The following FBRSL1 variants were observed in gnomAD, a reference collection of about 807,000 sequenced individuals.
FBRSL1 encodes fibrosin like 1.
FBRSL1 carries 51 observed loss-of-function variants against 89.6 expected under a neutral mutation model. That is an observed-to-expected ratio of 0.57 (90% confidence interval 0.45 to 0.72). The LOEUF (loss-of-function observed/expected upper bound fraction) is 0.72, where lower values mean the gene tolerates loss of function less well. Ranked by LOEUF, FBRSL1 falls within the 30% of genes least tolerant of loss-of-function variation. FBRSL1 has a pLI of 0.00. For missense variants in FBRSL1, 1,618 were observed against 1,451.8 expected (o/e 1.11, Z -1.86); for synonymous variants, 779 against 681.1 (o/e 1.14, Z -2.24).
At chr12:132,573,723 C>G (rs10870471) in intron 11 of FBRSL1, among the ~76,000 whole-genome samples, 34,650 of 152,058 alleles carry the variant, frequency 0.23, 4,744 homozygotes, top group Non-Finnish European at 0.3. Context: ...TCCCTGGCGC[C>G]CCTGGTGGGA....
chr12:132,567,564 A>G lies in FBRSL1; in HGVS notation c.691+38A>G, dbSNP rs750734784. On this transcript the variant is annotated intron_variant, in intron 6 of 18. Coordinates refer to ENST00000680143, the MANE Select transcript of FBRSL1 (RefSeq NM_001367871.1). ...CCTCGGCCCAGCTCCTGGGCCTCTGAAGAGACACAATGCGCCCTGCGTCTT... is the reference window on the plus strand; with the variant it reads ...CCTCGGCCCAGCTCCTGGGCCTCTGGAGAGACACAATGCGCCCTGCGTCTT... The G allele has an allele frequency of 1.0e-5, 16 of 1,542,986 alleles. No individual in the cohort carries two copies. The African/African-American group carries it at 1.6e-4, about 16-fold the overall frequency.
At chr12:132,530,997 G>C (rs1029411648) in intron 4 of FBRSL1, among the ~76,000 whole-genome samples, 2 of 148,932 alleles carry the variant, frequency 1.3e-5, no homozygotes, top group African/African-American at 4.9e-5. Context: ...TCCAGTGTGG[G>C]GGGGGGGGTG....
chr12:132,515,611 T>C (rs1181091832), intron 2 of FBRSL1, among the ~76,000 whole-genome samples: 1 of 151,482 alleles, frequency 6.6e-6, no homozygotes, highest in South Asian at 2.1e-4. Context: ...CAGAAATTAA[T>C]GAGGCAGGCC....
In FBRSL1 at chr12:132,511,413, C is replaced by T. The variant is rs572296626; in HGVS notation, c.489+3063C>T. ...CCCATCCCTGCCCCTTCCACGGCCC[C>T]CACCTGTGGTCAGGTGTTGCCACCC... On this transcript the variant is annotated intron_variant, in intron 2 of 18. Transcript: ENST00000680143. 8.9e-4 allele frequency: 879 copies of T among 985,994 alleles called. 4 individuals carry two copies. In the African/African-American group the frequency reaches 0.014, roughly 16 times the overall value. The allele number at this position is 985,994 out of a possible 1,614,324, so 61.1% of individuals were successfully genotyped here.
At chr12:132,541,498 C>T (rs574049501) in intron 4 of FBRSL1, among the ~76,000 whole-genome samples, 105 of 152,334 alleles carry the variant, frequency 6.9e-4, no homozygotes, top group African/African-American at 2.4e-3. Flanking sequence ...TCCCACCTGG[C>T]GGTGCCCCCC....
At position 132,511,519 on chromosome 12, in the gene FBRSL1, G is replaced by T. The variant is rs1443787174; in HGVS notation, c.489+3169G>T. On this transcript the variant is annotated intron_variant, in intron 2 of 18. Coordinates refer to ENST00000680143, the MANE Select transcript of FBRSL1 (RefSeq NM_001367871.1). ...GCCACTCGCCCAAAAGGGAGGGGGTGTTTGGGGGGGCTTTGACTGTCTCCA... is the reference window on the plus strand; with the variant it reads ...GCCACTCGCCCAAAAGGGAGGGGGTTTTTGGGGGGGCTTTGACTGTCTCCA... The T allele has an allele frequency of 4.1e-5, 40 of 986,038 alleles. 1 individual carries two copies. In the South Asian group the frequency reaches 7.0e-4, roughly 17 times the overall value. 61.1% of individuals were successfully genotyped at this position (986,038 alleles called of 1,614,324 possible).
rs1388301212 is a variant in FBRSL1 at position 132,583,225 on chromosome 12, G to A, written c.2456G>A (p.Gly819Glu). The A allele has an allele frequency of 1.4e-6, 2 of 1,402,438 alleles. No individual in the cohort carries two copies. Among genetic ancestry groups the A allele is most frequent in the Non-Finnish European group, 1.9e-6 (2 of 1,078,214 alleles). The allele number at this position is 1,402,438 out of a possible 1,614,324, so 86.9% of individuals were successfully genotyped here. ...GACGTGAAGGTCAAGGAGGAGCGCG[G>A]GGAGGACGAGGCCTCCGAGCCCCCG... Reference protein sequence around the residue: ...PGDVKVKEERGEDEASEPPAG... With the variant: ...PGDVKVKEEREEDEASEPPAG... Residue 819 changes from glycine to glutamate, a missense_variant, in exon 19 of 19, where the codon GGG becomes GAG. Gly to Glu is a moderately conservative substitution (Grantham distance 98). Transcript: ENST00000680143.
rs1205065129 is a variant in FBRSL1 at position 132,499,930 on chromosome 12, G to C, written c.292-8223G>C. 6.6e-6 allele frequency among the ~76,000 whole-genome samples: 1 copy of C among 152,128 alleles called. No individual in the cohort carries two copies. The highest frequency in any genetic ancestry group is 2.4e-5 in the African/African-American group (1 of 41,422). On this transcript the variant is annotated intron_variant, in intron 1 of 18. Transcript: ENST00000680143. The surrounding 1 kb of genome is among the most constrained non-coding windows in gnomAD (Gnocchi z 4.3). ...TGTGAGCTGGCCTGTGGGGTGGATG[G>C]GGTTCCCCAGAGCTGTGCTGGCGTC...
intron 2 of FBRSL1, among the ~76,000 whole-genome samples, chr12:132,514,537 G>A (rs2034657198): frequency 6.6e-6 from 1 of 152,248 alleles, no homozygotes; most frequent in African/African-American, 2.4e-5. Flanking sequence ...CCCCGAGGGG[G>A]AAGGGTTTCC....
intron 4 of FBRSL1, among the ~76,000 whole-genome samples, chr12:132,529,578 C>G (rs747958263): frequency 6.6e-6 from 1 of 151,596 alleles, no homozygotes; most frequent in Non-Finnish European, 1.5e-5. Flanking sequence ...CTCTGCCACC[C>G]TGGGCTCTTC....
intron 5 of FBRSL1, among the ~76,000 whole-genome samples, chr12:132,549,341 C>T (rs770532483): frequency 9.2e-5 from 14 of 152,188 alleles, no homozygotes; most frequent in Non-Finnish European, 1.9e-4. Flanking sequence ...TCACAAAGCC[C>T]ATAGGAGTGG....
In FBRSL1 at chr12:132,571,142, T is replaced by C; in HGVS notation, c.1288T>C (p.Trp430Arg). Reference sequence around the variant, plus strand: ...TCATTCGGGAATTCTGATTGGTACTTGGTCACAGGCTCCTCTCTTACCTGC... The same window carrying C: ...TCATTCGGGAATTCTGATTGGTACTCGGTCACAGGCTCCTCTCTTACCTGC... The part of the protein sequence containing the change: ...QPHSGILIGT[W>R]SQAPLLPAPL... The change falls in exon 9 of 19, where the codon TGG becomes CGG. Residue 430 changes from tryptophan to arginine, a missense_variant. Physicochemically the swap from Trp to Arg is moderately radical, Grantham distance 101. Coordinates refer to ENST00000680143, the MANE Select transcript of FBRSL1 (RefSeq NM_001367871.1). 7.2e-7 allele frequency: 1 copy of C among 1,393,802 alleles called. No homozygotes were observed. The highest frequency in any genetic ancestry group is 3.0e-5 in the Admixed American group (1 of 33,784). The allele number at this position is 1,393,802 out of a possible 1,614,324, so 86.3% of individuals were successfully genotyped here.
Position 132,569,918 on chromosome 12 carries a change from C to G in FBRSL1, c.692-8C>G. 7.2e-7 allele frequency: 1 copy of G among 1,385,862 alleles called. No homozygotes were observed. The highest frequency in any genetic ancestry group is 9.3e-7 in the Non-Finnish European group (1 of 1,074,640). 85.8% of individuals were successfully genotyped at this position (1,385,862 alleles called of 1,614,324 possible). ...GCTGGTCTGAACGCAGCCACCCTCT[C>G]TCTGCAGGCCCAGCGCTTGAGAAGT... On this transcript the variant is annotated splice_polypyrimidine_tract_variant and splice_region_variant and intron_variant, in intron 6 of 18. Transcript: ENST00000680143.
chr12:132,519,863 T>C lies in FBRSL1; in HGVS notation c.490-5871T>C, dbSNP rs142832056. Among the ~76,000 whole-genome samples, 545 of 136,120 alleles carry C rather than the reference T, an allele frequency of 4.0e-3. 1 individual carries two copies. The highest frequency in any genetic ancestry group is 7.0e-3 in the Non-Finnish European group (462 of 65,970). 89.3% of individuals were successfully genotyped at this position (136,120 alleles called of 152,430 possible). On this transcript the variant is annotated intron_variant, in intron 2 of 18. Coordinates refer to ENST00000680143, the MANE Select transcript of FBRSL1 (RefSeq NM_001367871.1). Reference sequence around the variant, plus strand: ...GCAGAGGTTGCAGTGAGCCAAGATCTCACCACTGCACTCCAGCCTGGGCAA... The same window carrying C: ...GCAGAGGTTGCAGTGAGCCAAGATCCCACCACTGCACTCCAGCCTGGGCAA...
At position 132,493,133 on chromosome 12, in the gene FBRSL1, G is replaced by A. The variant is rs544181156; in HGVS notation, c.291+2272G>A. ...AAGAGCAAGGAGCACTGGGTGCCAC[G>A]CCTGTCCGGCCTTAGAGTGAGCGGG... is the stretch of plus-strand genomic sequence containing the variant. On this transcript the variant is annotated intron_variant, in intron 1 of 18. Coordinates refer to ENST00000680143, the MANE Select transcript of FBRSL1 (RefSeq NM_001367871.1). Among the ~76,000 whole-genome samples, 21 of 152,344 alleles carry A rather than the reference G, an allele frequency of 1.4e-4. No homozygotes were observed. In the East Asian group the frequency reaches 3.5e-3, roughly 25 times the overall value.
intron 5 of FBRSL1, among the ~76,000 whole-genome samples, chr12:132,556,933 C>G (rs568094356): frequency 6.6e-6 from 1 of 152,086 alleles, no homozygotes; most frequent in African/African-American, 2.4e-5. Context: ...ACACGTGCCC[C>G]GCGGAGTGGC....
Position 132,574,051 on chromosome 12 carries a change from G to A in FBRSL1, c.1531-39G>A, listed in dbSNP as rs1359848323. The A allele has an allele frequency of 1.2e-5, 14 of 1,208,596 alleles. No individual in the cohort carries two copies. In the East Asian group the frequency reaches 1.6e-4, roughly 14 times the overall value. The allele number at this position is 1,208,596 out of a possible 1,614,324, so 74.9% of individuals were successfully genotyped here. ...GCCCGAGGCGTCCTCCTGCCTGGGC[G>A]GCCCCAGGCGCACACAAGCTGTCTC... On this transcript the variant is annotated intron_variant, in intron 11 of 18. Transcript: ENST00000680143.
intron 2 of FBRSL1, chr12:132,509,030 G>A (rs1484781272): frequency 6.4e-5 from 77 of 1,197,468 alleles, no homozygotes; most frequent in Non-Finnish European, 8.0e-5. Flanking sequence ...TCTGCGCGGT[G>A]TCCTCGGCTC....
At chr12:132,547,131 A>G (rs367868713) in intron 4 of FBRSL1, among the ~76,000 whole-genome samples, 1 of 151,366 alleles carries the variant, frequency 6.6e-6, no homozygotes, top group African/African-American at 2.4e-5. Context: ...TTCTTCGTAG[A>G]GCTCTGCTTA....
Sources: allele counts gnomAD v4.1 joint callset (sites outside exome capture counted in the v4.1 genomes callset), GRCh38; gene constraint gnomAD v4.1.1; non-coding constraint Gnocchi (gnomAD v3.1); transcripts MANE v1.5; gene names NCBI Gene and HGNC (gene_info 2026-07-23, HGNC 2026-07-21).